Variants in PSMD1 observed in about 807,000 individuals in gnomAD.
The protein encoded by PSMD1 is proteasome 26S subunit, non-ATPase 1.
Under a neutral mutation model 119.0 loss-of-function variants are expected in PSMD1, and 18 were observed. That is an observed-to-expected ratio of 0.15 (90% CI 0.10 to 0.22). The LOEUF is 0.22. Ranked by LOEUF, PSMD1 falls within the 10% of genes least tolerant of loss-of-function variation. PSMD1 has a pLI of 1.00. For synonymous variants in PSMD1, 374 were observed against 396.6 expected (o/e 0.94, Z 0.68); for missense variants, 702 against 1,158.5 (o/e 0.61, Z 5.72).
At chr2:231,066,879 T>A in intron 4 of PSMD1, 27 bp from the exon 5 acceptor site, 1 of 1,536,644 alleles carries the variant, frequency 6.5e-7, no homozygotes, top group Non-Finnish European at 8.8e-7. Context: ...ATTTACAAGA[T>A]AATCAGTTAT....
At chr2:231,128,668 A>T (rs1349383907) in intron 16 of PSMD1, among the ~76,000 whole-genome samples, 2 of 152,062 alleles carry the variant, frequency 1.3e-5, no homozygotes, top group African/African-American at 4.8e-5. Flanking sequence ...ATCCCATCTC[A>T]TATGTATATG....
At chr2:231,114,651 A>T (rs1351660348) in intron 16 of PSMD1, among the ~76,000 whole-genome samples, 1 of 151,932 alleles carries the variant, frequency 6.6e-6, no homozygotes, top group Non-Finnish European at 1.5e-5. Flanking sequence ...CGTAGTACTT[A>T]ATTTATTTAA....
At chr2:231,107,804 C>T (rs1695012485) in intron 16 of PSMD1, among the ~76,000 whole-genome samples, 1 of 152,164 alleles carries the variant, frequency 6.6e-6, no homozygotes, top group African/African-American at 2.4e-5. Context: ...TCTAAGAAAC[C>T]TAATGTGGTT....
intron 16 of PSMD1, chr2:231,123,817 G>T: frequency 1.5e-6 from 2 of 1,313,588 alleles, no homozygotes; most frequent in Non-Finnish European, 2.2e-6. Context: ...AGCATGGTTA[G>T]TAGCTAAGCT....
chr2:231,099,769 G>A (rs969043133), intron 16 of PSMD1, among the ~76,000 whole-genome samples: 3 of 152,114 alleles, frequency 2.0e-5, no homozygotes, highest in African/African-American at 7.2e-5. Context: ...TTTGTGTGAG[G>A]TTCAATCCCC....
At chr2:231,104,248 T>G (rs962354543) in intron 16 of PSMD1, among the ~76,000 whole-genome samples, 12 of 152,206 alleles carry the variant, frequency 7.9e-5, no homozygotes, top group Non-Finnish European at 1.5e-4. Context: ...TGCTCTCTAG[T>G]TAACAAAATT....
At position 231,072,435 on chromosome 2, in the gene PSMD1, C is replaced by T; in HGVS notation, c.881+20C>T. The T allele has an allele frequency of 1.3e-6, 2 of 1,531,636 alleles. No individual in the cohort carries two copies. The highest frequency in any genetic ancestry group is 1.8e-6 in the Non-Finnish European group (2 of 1,107,732). 94.9% of individuals were successfully genotyped at this position (1,531,636 alleles called of 1,614,324 possible). A position where few individuals can be genotyped will look rare whatever the true frequency, so the allele number is the denominator to read the frequency against. On this transcript the variant is annotated intron_variant, in intron 7 of 24. Coordinates refer to ENST00000308696, the MANE Select transcript of PSMD1 (RefSeq NM_002807.4). ...AGACAGGTATAAGTACCTTTTTCTG[C>T]ATCAAAACTAATTGAATAATCTTTA...
At chr2:231,092,446 TA>T (rs1694618891) in intron 16 of PSMD1, among the ~76,000 whole-genome samples, 2 of 152,218 alleles carry the variant, frequency 1.3e-5, no homozygotes, top group South Asian at 4.2e-4. Flanking sequence ...AAGGTCACAG[TA>T]TAGTTGTTAC....
rs181505468 is a variant in PSMD1 at position 231,061,075 on chromosome 2, G to C, written c.17-192G>C. ...GATGTAATATATGTGGTGCCATGAG[G>C]GTTTGATAATATAGTTAAGTCTTAA... On this transcript the variant is annotated intron_variant, in intron 1 of 24. Transcript: ENST00000308696. 5.1e-3 allele frequency among the ~76,000 whole-genome samples: 781 copies of C among 152,216 alleles called. 5 individuals carry two copies. Among genetic ancestry groups the C allele is most frequent in the African/African-American group, 0.017 (717 of 41,516 alleles).
intron 16 of PSMD1, among the ~76,000 whole-genome samples, chr2:231,090,229 T>G (rs1160783136): frequency 2.0e-5 from 3 of 152,218 alleles, no homozygotes; most frequent in Non-Finnish European, 4.4e-5. Flanking sequence ...GTCGTATTAT[T>G]TAAGTCATTT....
At chr2:231,078,791 C>CTTTTTTTTTTTTTTTTTTTTT in intron 10 of PSMD1, 44 bp downstream of exon 10, 3 of 342,878 alleles carry the variant, frequency 8.7e-6, no homozygotes, top group Admixed American at 9.0e-5. Flanking sequence ...AAATCTTTTT[C>CTTTTTTTTTTTTTTTTTTTTT]TTTTTTTTTT....
chr2:231,112,293 T>TCCCTTTC (rs1695180164), intron 16 of PSMD1, among the ~76,000 whole-genome samples: 1 of 152,184 alleles, frequency 6.6e-6, no homozygotes. Context: ...TGTCTCCCAT[T>TCCCTTTC]CCCTTTCTGT....
Position 231,079,470 on chromosome 2 carries a change from A to G in PSMD1, c.1161-66A>G, listed in dbSNP as rs1425757158. The stretch of plus-strand genomic sequence containing the variant: ...AAAATTTTAATGCTTTTAACCTTAG[A>G]GTTAAAAAGCTTTAAGGAATTCATT... On this transcript the variant is annotated intron_variant, in intron 10 of 24. Transcript: ENST00000308696. 3 of 1,105,058 alleles carry G rather than the reference A, an allele frequency of 2.7e-6. No individual in the cohort carries two copies. In the African/African-American group the frequency reaches 4.7e-5, roughly 17 times the overall value. 68.5% of individuals were successfully genotyped at this position (1,105,058 alleles called of 1,614,324 possible).
chr2:231,167,299 C>A (rs1236859824), intron 23 of PSMD1, among the ~76,000 whole-genome samples: 1 of 152,002 alleles, frequency 6.6e-6, no homozygotes. Context: ...GAATCCAGAA[C>A]AGATGTATTA....
In PSMD1 at chr2:231,170,482, G is replaced by A. The variant is rs1696888224; in HGVS notation, c.2716-84G>A. ...TCCAAATCATTTAAGTAGTTTTAAA[G>A]TACCATTTAACAAGTATTTACTCTA... On this transcript the variant is annotated intron_variant, in intron 23 of 24. Transcript: ENST00000308696. The surrounding 1 kb of genome is among the most constrained non-coding windows in gnomAD (Gnocchi z 4.1). The A allele has an allele frequency of 2.2e-6, 3 of 1,353,430 alleles. No individual in the cohort carries two copies. Among genetic ancestry groups the A allele is most frequent in the African/African-American group, 1.5e-5 (1 of 67,496 alleles). 83.8% of individuals were successfully genotyped at this position (1,353,430 alleles called of 1,614,324 possible).
chr2:231,089,827 C>T (rs963102684), intron 16 of PSMD1, among the ~76,000 whole-genome samples: 6 of 152,068 alleles, frequency 3.9e-5, no homozygotes, highest in Non-Finnish European at 8.8e-5. Context: ...CTTTATATTC[C>T]CTGAGAGCTG....
chr2:231,076,606 A>G (rs1441903678), intron 8 of PSMD1, among the ~76,000 whole-genome samples: 1 of 152,092 alleles, frequency 6.6e-6, no homozygotes, highest in African/African-American at 2.4e-5. Context: ...GTGAGCCAAG[A>G]TTGCACCACT....
chr2:231,099,797 G>A (rs986451401), intron 16 of PSMD1, among the ~76,000 whole-genome samples: 4 of 151,996 alleles, frequency 2.6e-5, no homozygotes, highest in African/African-American at 4.8e-5. Flanking sequence ...GGGATGGCTC[G>A]CCTCTTTTTA....
intron 24 of PSMD1, 26 bp from the exon 25 acceptor site, chr2:231,172,509 C>T (rs1490115062): frequency 6.6e-6 from 1 of 152,232 alleles, no homozygotes; most frequent in Non-Finnish European, 1.5e-5. Context: ...ACCCTAGCTA[C>T]TACTGTTCTT....
Sources: gnomAD v4.1 joint callset for allele counts (sites outside exome capture counted in the v4.1 genomes callset) on GRCh38, gnomAD v4.1.1 for gene constraint, Gnocchi (gnomAD v3.1) non-coding constraint, MANE v1.5 for transcripts, NCBI Gene and HGNC (gene_info 2026-07-23, HGNC 2026-07-21) for gene names.